Variants in EPB41 observed in about 807,000 individuals in gnomAD.
EPB41 encodes protein 4.1.
EPB41 carries 65 observed loss-of-function variants against 108.0 expected under a neutral mutation model. The observed-to-expected ratio is 0.60, with a 90% CI of 0.49 to 0.74. EPB41 has a LOEUF of 0.74. Ranked by LOEUF, EPB41 falls within the 30% of genes least tolerant of loss-of-function variation. The pLI is 0.00. For synonymous variants in EPB41, 336 were observed against 358.9 expected (o/e 0.94, Z 0.72); for missense variants, 875 against 1,037.0 (o/e 0.84, Z 2.15).
At chr1:29,082,829 A>C (rs371938273) in intron 16 of EPB41, among the ~76,000 whole-genome samples, 16 of 152,344 alleles carry the variant, frequency 1.1e-4, no homozygotes, top group African/African-American at 3.6e-4. Flanking sequence ...TGGATTTTGA[A>C]GCTGTTTGCT....
intron 1 of EPB41, chr1:28,982,667 C>T (rs2095786034): frequency 1.3e-6 from 1 of 772,104 alleles, no homozygotes; most frequent in East Asian, 2.6e-5. Context: ...TTTGATTGAT[C>T]TTAAGACTTA....
upstream of EPB41, among the ~76,000 whole-genome samples, chr1:28,913,915 A>G (rs754385048): frequency 7.9e-5 from 12 of 152,206 alleles, no homozygotes; most frequent in African/African-American, 1.2e-4. Flanking sequence ...CCAGGGGGGA[A>G]TTAGGAGATC....
chr1:28,984,574 A>G (rs1423454079), intron 1 of EPB41, among the ~76,000 whole-genome samples: 1 of 152,168 alleles, frequency 6.6e-6, no homozygotes, highest in African/African-American at 2.4e-5. Context: ...AAGTAAATTT[A>G]CTTGAATAAA....
chr1:28,961,102 G>T (rs2095196514), intron 1 of EPB41, among the ~76,000 whole-genome samples: 1 of 151,196 alleles, frequency 6.6e-6, no homozygotes, highest in Non-Finnish European at 1.5e-5. Flanking sequence ...TTTCTTTTAG[G>T]CTGTTTCTTT....
intron 1 of EPB41, among the ~76,000 whole-genome samples, chr1:28,935,481 A>ACACACACACACACACAC (rs2093982298): frequency 1.1e-5 from 1 of 93,484 alleles, no homozygotes; most frequent in Admixed American, 9.9e-5. Flanking sequence ...CCCCCCCCCC[A>ACACACACACACACACAC]AGATCTACGC....
chr1:29,030,473 C>A lies in EPB41; in HGVS notation c.1198C>A (p.Leu400Ile). ...AAAGTTGTCTATGTATGGAGTTGAT[C>A]TTCATAAAGCAAAGGTAATGATAAC... Reference protein sequence around the residue: ...AKKLSMYGVDLHKAKDLEGVD... With the variant: ...AKKLSMYGVDIHKAKDLEGVD... Residue 400 changes from leucine (L) to isoleucine (I), a missense_variant, in exon 8 of 21, where the codon CTT (leucine) becomes ATT (isoleucine). By Grantham distance (5) the Leu-to-Ile change is conservative. Coordinates refer to ENST00000343067, the MANE Select transcript of EPB41 (RefSeq NM_001376013.1). 2.5e-6 allele frequency: 4 copies of A among 1,613,528 alleles called. No homozygotes were observed. The highest frequency in any genetic ancestry group is 3.4e-6 in the Non-Finnish European group (4 of 1,179,502).
chr1:28,934,353 T>TA (rs2093891157), intron 1 of EPB41, among the ~76,000 whole-genome samples: 1 of 152,190 alleles, frequency 6.6e-6, no homozygotes, highest in African/African-American at 2.4e-5. Flanking sequence ...GCTGTAAAGA[T>TA]ACTTTCCCCC....
At chr1:29,103,314 A>T (rs1666076917) in intron 17 of EPB41, among the ~76,000 whole-genome samples, 1 of 152,248 alleles carries the variant, frequency 6.6e-6, no homozygotes, top group African/African-American at 2.4e-5. Flanking sequence ...CAAAAAAAGG[A>T]AATGGAAGCA....
chr1:29,020,546 A>G (rs560911245), intron 7 of EPB41, among the ~76,000 whole-genome samples: 240 of 152,302 alleles, frequency 1.6e-3, no homozygotes, highest in African/African-American at 5.7e-3. Context: ...TAGTTATAAT[A>G]TAACCCTTGG....
At chr1:28,958,629 A>G (rs1056246039) in intron 1 of EPB41, among the ~76,000 whole-genome samples, 4 of 151,914 alleles carry the variant, frequency 2.6e-5, no homozygotes, top group Non-Finnish European at 2.9e-5. Flanking sequence ...CCTGGGCAAC[A>G]TGGTGAAACC....
At chr1:29,051,978 C>T (rs548224133) in intron 11 of EPB41, among the ~76,000 whole-genome samples, 3 of 151,626 alleles carry the variant, frequency 2.0e-5, no homozygotes, top group African/African-American at 4.8e-5. Context: ...AAAACACTTT[C>T]ATTCCTAGAT....
chr1:28,917,939 G>A (rs150082), intron 1 of EPB41, among the ~76,000 whole-genome samples: 22 of 151,878 alleles, frequency 1.4e-4, no homozygotes, highest in Non-Finnish European at 3.2e-4. Context: ...GTGTGTAATT[G>A]TTGGTGTGAA....
chr1:29,051,954 C>T (rs920014332), intron 11 of EPB41, among the ~76,000 whole-genome samples: 1 of 150,510 alleles, frequency 6.6e-6, no homozygotes, highest in East Asian at 1.9e-4. Flanking sequence ...ATCAGAAATA[C>T]TAAATCATGC....
At chr1:29,002,755 T>C (rs2096322965) in intron 4 of EPB41, among the ~76,000 whole-genome samples, 1 of 152,226 alleles carries the variant, frequency 6.6e-6, no homozygotes, top group African/African-American at 2.4e-5. Flanking sequence ...TTAGGCAGCC[T>C]TCATTCTACA....
At chr1:28,926,173 C>T (rs2093434316) in intron 1 of EPB41, among the ~76,000 whole-genome samples, 1 of 125,754 alleles carries the variant, frequency 8.0e-6, no homozygotes, top group African/African-American at 3.2e-5. Flanking sequence ...TGGTGAAATC[C>T]CATCTCTACT....
At chr1:28,904,579 A>G (rs1265273931) in intron 1 of EPB41, among the ~76,000 whole-genome samples, 1 of 152,118 alleles carries the variant, frequency 6.6e-6, no homozygotes, top group African/African-American at 2.4e-5. Context: ...TGGGGCCCTC[A>G]TGACAGTATT....
intron 5 of EPB41, among the ~76,000 whole-genome samples, chr1:29,015,305 C>T (rs539128123): frequency 6.6e-6 from 1 of 152,038 alleles, no homozygotes; most frequent in Admixed American, 6.6e-5. Context: ...TGCCTGTAAT[C>T]CCAGCACTTT....
At chr1:29,060,586 G>T in intron 15 of EPB41, 102 bp downstream of exon 15, 1 of 1,031,678 alleles carries the variant, frequency 9.7e-7, no homozygotes. Context: ...GGTTTTGCAT[G>T]CAATTGCATG....
intron 1 of EPB41, among the ~76,000 whole-genome samples, chr1:28,968,969 ACCC>A (rs1243487289): frequency 5.2e-5 from 6 of 114,310 alleles, no homozygotes; most frequent in Admixed American, 2.6e-4. Flanking sequence ...TGCCTCCAAA[ACCC>A]CCCACCCCCC....
Sources: gnomAD v4.1 joint callset for allele counts (sites outside exome capture counted in the v4.1 genomes callset) on GRCh38, gnomAD v4.1.1 for gene constraint, MANE v1.5 for transcripts, NCBI Gene and HGNC (gene_info 2026-07-23, HGNC 2026-07-21) for gene names.